Variants in RAD54L2 observed in about 807,000 individuals in gnomAD.
RAD54L2 encodes RAD54 like 2.
In RAD54L2, 27 loss-of-function variants were observed where a neutral mutation model predicts 138.4. The ratio of observed to expected loss-of-function variants is 0.20; its 90% confidence interval spans 0.14 to 0.27. RAD54L2 has a LOEUF of 0.27. Among genes scored for constraint, RAD54L2 ranks in the 10% least tolerant of loss-of-function variants. The probability of loss-of-function intolerance (pLI) is 1.00; values close to 1 mark genes in which losing one functional copy is unlikely to be tolerated. For synonymous variants in RAD54L2, 644 were observed against 723.2 expected (o/e 0.89, Z 1.76); for missense variants, 1,396 against 1,890.2 (o/e 0.74, Z 4.85).
At chr3:51,561,541 G>A (rs1001076943) in intron 2 of RAD54L2, among the ~76,000 whole-genome samples, 1 of 151,780 alleles carries the variant, frequency 6.6e-6, no homozygotes, top group Non-Finnish European at 1.5e-5. Flanking sequence ...CACCACGCCC[G>A]GCCGAAATTC....
At chr3:51,599,158 G>A (rs977644564) in intron 3 of RAD54L2, among the ~76,000 whole-genome samples, 2 of 152,182 alleles carry the variant, frequency 1.3e-5, no homozygotes, top group African/African-American at 2.4e-5. Context: ...TCGCTTGGTG[G>A]TGGGGAGAAA....
At position 51,628,591 on chromosome 3, in the gene RAD54L2, C is replaced by T. The variant is rs150798266; in HGVS notation, c.342-743C>T. Reference sequence around the variant, plus strand: ...TTGTAGTAGAGACAGGGTTTTGCCACGTTGGCTGAACTGGTCTTGAACTCC... The same window carrying T: ...TTGTAGTAGAGACAGGGTTTTGCCATGTTGGCTGAACTGGTCTTGAACTCC... On this transcript the variant is annotated intron_variant, in intron 4 of 22. Transcript: ENST00000684192. Among the ~76,000 whole-genome samples, 95 of 151,110 alleles carry T rather than the reference C, an allele frequency of 6.3e-4. No homozygotes were observed. In the East Asian group the frequency reaches 0.014, roughly 23 times the overall value.
intron 2 of RAD54L2, among the ~76,000 whole-genome samples, chr3:51,570,785 G>C (rs1299812168): frequency 6.6e-6 from 1 of 152,124 alleles, no homozygotes; most frequent in East Asian, 1.9e-4. Flanking sequence ...TTTTGTCATT[G>C]GCGTGGTGTC....
At chr3:51,582,731 T>C (rs1699635172) in intron 2 of RAD54L2, among the ~76,000 whole-genome samples, 1 of 152,150 alleles carries the variant, frequency 6.6e-6, no homozygotes, top group African/African-American at 2.4e-5. Context: ...TGCTATTCAA[T>C]GACTTCCTAC....
chr3:51,557,570 G>A (rs887576514), intron 2 of RAD54L2, among the ~76,000 whole-genome samples: 3 of 151,724 alleles, frequency 2.0e-5, no homozygotes, highest in African/African-American at 4.8e-5. Flanking sequence ...TTAATTACAC[G>A]CCTGTAATCT....
chr3:51,547,261 T>C (rs1260799242), intron 2 of RAD54L2, among the ~76,000 whole-genome samples: 1 of 151,766 alleles, frequency 6.6e-6, no homozygotes, highest in Non-Finnish European at 1.5e-5. Context: ...GCTACCAGTC[T>C]CCCAGTTAGG....
At position 51,637,594 on chromosome 3, in the gene RAD54L2, G is replaced by T; in HGVS notation, c.1682+91G>T. On this transcript the variant is annotated intron_variant, in intron 11 of 22. Transcript: ENST00000684192. The surrounding 1 kb of genome is among the most constrained non-coding windows in gnomAD (Gnocchi z 5.9). ...ACCTGTTATACAGGATAGGGTGTTG[G>T]AGTAGGAGGGCCCCTTCCCTGGGGC... is the stretch of plus-strand genomic sequence containing the variant. 7.8e-7 allele frequency: 1 copy of T among 1,285,536 alleles called. No individual in the cohort carries two copies. Among genetic ancestry groups the T allele is most frequent in the East Asian group, 2.5e-5 (1 of 39,292 alleles). The allele number at this position is 1,285,536 out of a possible 1,614,324, so 79.6% of individuals were successfully genotyped here.
At chr3:51,607,037 GAT>G (rs1050213544) in intron 3 of RAD54L2, among the ~76,000 whole-genome samples, 29 of 142,918 alleles carry the variant, frequency 2.0e-4, no homozygotes, top group African/African-American at 6.6e-4. Flanking sequence ...ATTTTTAAAA[GAT>G]ATCTAACTTT....
At chr3:51,543,383 C>T (rs1032587999) in intron 2 of RAD54L2, among the ~76,000 whole-genome samples, 3 of 151,994 alleles carry the variant, frequency 2.0e-5, no homozygotes, top group East Asian at 3.9e-4. Context: ...CCAAGGCGGG[C>T]GGATCACCTG....
At position 51,662,899 on chromosome 3, in the gene RAD54L2, G is replaced by C; in HGVS notation, c.3883G>C (p.Ala1295Pro). ...CGGGTATCCAGTCTCTGGCGGGTTT[G>C]CCATGCCACCCGTCTCCTTAAACCA... ...EHGYPVSGGFAMPPVSLNHNL... is the reference protein window; with the variant it reads ...EHGYPVSGGFPMPPVSLNHNL... The change falls in exon 23 of 23, where the codon GCC (alanine) becomes CCC (proline). Residue 1295 changes from alanine to proline, a missense_variant. This residue lies in a region of RAD54L2 where 634 missense variants were observed against 711.2 expected (regional missense o/e 0.89). Transcript: ENST00000684192. This position sits in a 1 kb window ranked among gnomAD's most constrained non-coding sequence, Gnocchi z 4.6. 1 of 1,613,758 alleles carries C rather than the reference G, an allele frequency of 6.2e-7. No individual in the cohort carries two copies. Among genetic ancestry groups the C allele is most frequent in the Non-Finnish European group, 8.5e-7 (1 of 1,179,852 alleles).
chr3:51,622,261 G>T (rs1472425048), intron 3 of RAD54L2, among the ~76,000 whole-genome samples: 2 of 152,136 alleles, frequency 1.3e-5, no homozygotes, highest in East Asian at 3.9e-4. Flanking sequence ...ATGGCCCTTT[G>T]TTTCCTCAGC....
chr3:51,637,075 C>T lies in RAD54L2; in HGVS notation c.1340-86C>T. ...CCTGCTTCCTTCATTTCTTCTGTCT[C>T]CTCCAGGGTGCACCCCTACTTCTCA... On this transcript the variant is annotated intron_variant, in intron 10 of 22. Coordinates refer to ENST00000684192, the MANE Select transcript of RAD54L2 (RefSeq NM_015106.4). This position sits in a 1 kb window ranked among gnomAD's most constrained non-coding sequence, Gnocchi z 5.9. 2 of 1,190,088 alleles carry T rather than the reference C, an allele frequency of 1.7e-6. No individual in the cohort carries two copies. The highest frequency in any genetic ancestry group is 2.4e-6 in the Non-Finnish European group (2 of 830,054). 73.7% of individuals were successfully genotyped at this position (1,190,088 alleles called of 1,614,324 possible). A position where few individuals can be genotyped will look rare whatever the true frequency, so the allele number is the denominator to read the frequency against.
intron 6 of RAD54L2, 34 bp downstream of exon 6, chr3:51,630,422 AC>A (rs1000389939): frequency 6.4e-7 from 1 of 1,565,634 alleles, no homozygotes; most frequent in Non-Finnish European, 8.8e-7. Context: ...CTTTCTTCCG[AC>A]CTGGTGTTCA....
chr3:51,603,799 C>A (rs1450817078), intron 3 of RAD54L2, among the ~76,000 whole-genome samples: 1 of 152,080 alleles, frequency 6.6e-6, no homozygotes, highest in African/African-American at 2.4e-5. Flanking sequence ...GATGGAATTA[C>A]AGATGTGAGC....
chr3:51,658,582 G>A (rs941642917), intron 21 of RAD54L2, among the ~76,000 whole-genome samples: 2 of 152,142 alleles, frequency 1.3e-5, no homozygotes, highest in Non-Finnish European at 2.9e-5. Flanking sequence ...ATCCAAGCCT[G>A]TTTTACATAT....
chr3:51,618,540 G>A (rs1274093749), intron 3 of RAD54L2, among the ~76,000 whole-genome samples: 4 of 151,962 alleles, frequency 2.6e-5, no homozygotes, highest in African/African-American at 7.3e-5. Context: ...TTGTGCCACC[G>A]TACCCCCGAC....
intron 5 of RAD54L2, 137 bp downstream of exon 5, chr3:51,629,610 G>A (rs1382634580): frequency 2.6e-6 from 3 of 1,139,566 alleles, no homozygotes; most frequent in Admixed American, 5.6e-5. Flanking sequence ...TGTAATCCCA[G>A]CATTATGGGA....
At position 51,637,212 on chromosome 3, in the gene RAD54L2, A is replaced by C; in HGVS notation, c.1391A>C (p.Glu464Ala). 6.3e-7 allele frequency: 1 copy of C among 1,595,104 alleles called. No individual in the cohort carries two copies. ...GGCCCTGATGTAGTAATCTGTGATG[A>C]GGGACACCGCATCAAAAACTGCCAG... ...RPGPDVVICDEGHRIKNCQAS... is the reference protein window; with the variant it reads ...RPGPDVVICDAGHRIKNCQAS... Residue 464 changes from glutamate to alanine, a missense_variant, in exon 11 of 23, where the codon GAG (glutamate) becomes GCG (alanine). This residue lies in a region of RAD54L2 where 169 missense variants were observed against 235.6 expected (regional missense o/e 0.72). Transcript: ENST00000684192. The surrounding 1 kb of genome is among the most constrained non-coding windows in gnomAD (Gnocchi z 5.9).
intron 2 of RAD54L2, among the ~76,000 whole-genome samples, chr3:51,558,704 C>T (rs933146760): frequency 1.3e-5 from 2 of 152,040 alleles, no homozygotes; most frequent in African/African-American, 4.8e-5. Context: ...CTCCTGGGCT[C>T]AAGCAATCCT....
Sources: allele counts gnomAD v4.1 joint callset (sites outside exome capture counted in the v4.1 genomes callset), GRCh38; gene constraint gnomAD v4.1.1; regional missense constraint gnomAD v4.1.1; non-coding constraint Gnocchi (gnomAD v3.1); transcripts MANE v1.5; gene names NCBI Gene and HGNC (gene_info 2026-07-23, HGNC 2026-07-21).